PXN: variants seen among roughly 807,000 people sequenced by gnomAD.
The protein encoded by PXN is testicular tissue protein Li 134.
PXN carries 61 observed loss-of-function variants against 103.6 expected under a neutral mutation model. That is an observed-to-expected ratio of 0.59 (90% CI 0.48 to 0.73). The LOEUF (loss-of-function observed/expected upper bound fraction) is 0.73. Among genes scored for constraint, PXN ranks in the 30% least tolerant of loss-of-function variants. PXN has a pLI of 0.00. For missense variants in PXN, 1,274 were observed against 1,460.3 expected, an observed-to-expected ratio of 0.87 and a Z score of 2.08; for synonymous variants, 562 against 607.8, an observed-to-expected ratio of 0.92 and a Z score of 1.11.
chr12:120,222,622 G>C lies in PXN; in HGVS notation c.622C>G (p.Arg208Gly). ...CTGGGCCGCACGTCCTCCAGGCCCC[G>C]GCCCCCATTCCGCTTAGGCTTCTCT... ...TKEKPKRNGG[R>G]GLEDVRPSVE... Residue 208 changes from arginine to glycine, a missense_variant, in exon 5 of 15, where the codon CGG becomes GGG. Physicochemically the swap from Arg to Gly is moderately radical, Grantham distance 125. Around this residue, in one of 2 missense-constraint regions of PXN, gnomAD observed 1,178 missense variants for 1,309.0 expected, o/e 0.90. Transcript: ENST00000637617. This position sits in a 1 kb window ranked among gnomAD's most constrained non-coding sequence, Gnocchi z 4.7. The C allele has an allele frequency of 6.2e-7, 1 of 1,609,654 alleles. No homozygotes were observed.
intron 1 of PXN, among the ~76,000 whole-genome samples, chr12:120,239,040 C>T (rs911862229): frequency 2.6e-5 from 4 of 152,200 alleles, no homozygotes; most frequent in African/African-American, 9.7e-5. Flanking sequence ...TCCTTCTCCT[C>T]CTGCCCATCT....
chr12:120,250,177 G>A (rs1020129115), intron 1 of PXN: 206 of 985,500 alleles, frequency 2.1e-4, no homozygotes, highest in Non-Finnish European at 2.4e-4. Context: ...AAATCCAGAG[G>A]AAACCAAGTG....
At chr12:120,249,737 A>C (rs367661435) in intron 1 of PXN, 5 of 609,452 alleles carry the variant, frequency 8.2e-6, no homozygotes, top group East Asian at 1.4e-4. Flanking sequence ...TCCAAAGACC[A>C]GACAAAAAGA....
rs1881679617 is a variant in PXN, at chr12:120,214,266, C to T, written c.2749-49G>A. 1.3e-6 allele frequency: 2 copies of T among 1,487,572 alleles called. No homozygotes were observed. The highest frequency in any genetic ancestry group is 1.8e-6 in the Non-Finnish European group (2 of 1,089,772). The allele number at this position is 1,487,572 out of a possible 1,614,324, so 92.1% of individuals were successfully genotyped here. ...AAGGCTGAGCTCTGGGCAGATCTCA[C>T]AACTGAGACGCCCAGCAAGGCCGTC... On this transcript the variant is annotated intron_variant, in intron 12 of 14. Coordinates refer to ENST00000637617, the MANE Select transcript of PXN (RefSeq NM_001385981.1). The surrounding 1 kb of genome is among the most constrained non-coding windows in gnomAD (Gnocchi z 5.0).
At position 120,221,502 on chromosome 12, in the gene PXN, G is replaced by T; in HGVS notation, c.831+121C>A. ...AGGCCAGGGCATGACAGTGTCCCTG[G>T]CTCAGGGGCAAGGCACCCAAACACT... is the stretch of plus-strand genomic sequence containing the variant. On this transcript the variant is annotated intron_variant, in intron 6 of 14. Coordinates refer to ENST00000637617, the MANE Select transcript of PXN (RefSeq NM_001385981.1). The surrounding 1 kb of genome is among the most constrained non-coding windows in gnomAD (Gnocchi z 6.6). 1 of 1,175,436 alleles carries T rather than the reference G, an allele frequency of 8.5e-7. No homozygotes were observed. Among genetic ancestry groups the T allele is most frequent in the Non-Finnish European group, 1.2e-6 (1 of 842,346 alleles). The allele number at this position is 1,175,436 out of a possible 1,614,324, so 72.8% of individuals were successfully genotyped here.
At chr12:120,236,572 G>T (rs1021490271) in intron 1 of PXN, among the ~76,000 whole-genome samples, 1 of 151,532 alleles carries the variant, frequency 6.6e-6, no homozygotes, top group Non-Finnish European at 1.5e-5. Context: ...CTGCCTCCCG[G>T]GTTCAAGCAA....
chr12:120,214,235 G>A lies in PXN; in HGVS notation c.2749-18C>T. On this transcript the variant is annotated intron_variant, in intron 12 of 14. Coordinates refer to ENST00000637617, the MANE Select transcript of PXN (RefSeq NM_001385981.1). The surrounding 1 kb of genome is among the most constrained non-coding windows in gnomAD (Gnocchi z 5.0). The stretch of plus-strand genomic sequence containing the variant: ...ACCACTTTCTGTGAAAGCAAAATGT[G>A]GGATCAAGGCTGAGCTCTGGGCAGA... 6.5e-7 allele frequency: 1 copy of A among 1,548,820 alleles called. No homozygotes were observed.
At chr12:120,261,293 C>T (rs1260867450) in intron 1 of PXN, among the ~76,000 whole-genome samples, 1 of 152,148 alleles carries the variant, frequency 6.6e-6, no homozygotes, top group Admixed American at 6.5e-5. Context: ...CGGGTTCAAG[C>T]GATTCTCCTG....
At chr12:120,242,340 A>G (rs1441854034) in intron 1 of PXN, among the ~76,000 whole-genome samples, 1 of 152,158 alleles carries the variant, frequency 6.6e-6, no homozygotes, top group Non-Finnish European at 1.5e-5. Context: ...ACCCATCTGC[A>G]CGAGTCTGCC....
chr12:120,262,057 C>T (rs964574344), intron 1 of PXN, among the ~76,000 whole-genome samples: 1 of 152,186 alleles, frequency 6.6e-6, no homozygotes, highest in Non-Finnish European at 1.5e-5. Context: ...CCTGACTCTG[C>T]CCTAACACAC....
intron 1 of PXN, among the ~76,000 whole-genome samples, chr12:120,234,728 C>A (rs371116036): frequency 1.3e-5 from 2 of 152,190 alleles, no homozygotes. Context: ...TTTACTCAGG[C>A]ACCTCATAGC....
intron 1 of PXN, among the ~76,000 whole-genome samples, chr12:120,261,253 C>T (rs573510394): frequency 3.3e-5 from 5 of 152,288 alleles, no homozygotes; most frequent in African/African-American, 1.2e-4. Flanking sequence ...TGCAGTGATG[C>T]GATCTCGGCT....
chr12:120,227,873 C>T (rs1279842055), intron 1 of PXN, among the ~76,000 whole-genome samples: 1 of 152,152 alleles, frequency 6.6e-6, no homozygotes, highest in Non-Finnish European at 1.5e-5. Flanking sequence ...GGTCAGAGTC[C>T]CCTTGCAAGC....
chr12:120,257,495 G>A (rs569624920), intron 1 of PXN, among the ~76,000 whole-genome samples: 121 of 152,290 alleles, frequency 7.9e-4, no homozygotes, highest in East Asian at 1.5e-3. Context: ...GAAGACCTTG[G>A]CATGAAGCCC....
At position 120,215,848 on chromosome 12, in the gene PXN, G is replaced by A; in HGVS notation, c.2302-187C>T. On this transcript the variant is annotated intron_variant, in intron 9 of 14. Coordinates refer to ENST00000637617, the MANE Select transcript of PXN (RefSeq NM_001385981.1). This position sits in a 1 kb window ranked among gnomAD's most constrained non-coding sequence, Gnocchi z 4.9. Reference sequence around the variant, plus strand: ...CCTGAGAGAGAGGCCTAGGGAGAAAGGAAGAAGGACAGGGAGGGGAGTCGA... The same window carrying A: ...CCTGAGAGAGAGGCCTAGGGAGAAAAGAAGAAGGACAGGGAGGGGAGTCGA... 1 of 1,312,620 alleles carries A rather than the reference G, an allele frequency of 7.6e-7. No individual in the cohort carries two copies. Among genetic ancestry groups the A allele is most frequent in the Non-Finnish European group, 1.0e-6 (1 of 999,024 alleles). The allele number at this position is 1,312,620 out of a possible 1,614,324, so 81.3% of individuals were successfully genotyped here. A position where few individuals can be genotyped will look rare whatever the true frequency, so the allele number is the denominator to read the frequency against.
In PXN at chr12:120,216,202, GT is replaced by G; in HGVS notation, c.2301+70del. ...TGTGTATGTGTGTGTGCACGTGTGT[GT>G]GTGCAGAGTGGGGGATGGCTCAGGC... is the stretch of plus-strand genomic sequence containing the variant. On this transcript the variant is annotated intron_variant, in intron 9 of 14. Transcript: ENST00000637617. This position sits in a 1 kb window ranked among gnomAD's most constrained non-coding sequence, Gnocchi z 5.1. The G allele has an allele frequency of 7.9e-7, 1 of 1,268,568 alleles. No individual in the cohort carries two copies. The allele number at this position is 1,268,568 out of a possible 1,614,324, so 78.6% of individuals were successfully genotyped here. A position where few individuals can be genotyped will look rare whatever the true frequency, so the allele number is the denominator to read the frequency against.
In PXN at chr12:120,216,894, T is replaced by C. The variant is rs763075037; in HGVS notation, c.1939A>G (p.Ile647Val). The change falls in exon 8 of 15, where the codon ATC becomes GTC. Residue 647 changes from isoleucine to valine, a missense_variant. Ile to Val is a conservative substitution (Grantham distance 29, BLOSUM62 3). Transcript: ENST00000637617. This position sits in a 1 kb window ranked among gnomAD's most constrained non-coding sequence, Gnocchi z 5.1. Reference sequence around the variant, plus strand: ...TTCCCACGTGGCTGCACAGTGATGATGACGCCCTCGGTCAGCCAGTCCTGG... The same window carrying C: ...TTCCCACGTGGCTGCACAGTGATGACGACGCCCTCGGTCAGCCAGTCCTGG... ...SAQDWLTEGV[I>V]ITVQPRGKRA... 1.2e-5 allele frequency: 18 copies of C among 1,517,792 alleles called. No homozygotes were observed. The highest frequency in any genetic ancestry group is 1.1e-4 in the African/African-American group (8 of 72,098). 94.0% of individuals were successfully genotyped at this position (1,517,792 alleles called of 1,614,324 possible). A position where few individuals can be genotyped will look rare whatever the true frequency, so the allele number is the denominator to read the frequency against.
At position 120,219,630 on chromosome 12, in the gene PXN, C is replaced by T. The variant is rs1483459188; in HGVS notation, c.1293G>A (p.Leu431=). ...CCCATGGCTGCTCCCATGTGGCAGCCAAGGCCTCCTCTGGGCACGAAGGGC... is the reference window on the plus strand; with the variant it reads ...CCCATGGCTGCTCCCATGTGGCAGCTAAGGCCTCCTCTGGGCACGAAGGGC... ...PASPSCPEEA[L]AATWEQPWAS... The change falls in exon 7 of 15, where the codon TTG becomes TTA. Residue 431 remains leucine (L), a synonymous_variant. Transcript: ENST00000637617. The surrounding 1 kb of genome is among the most constrained non-coding windows in gnomAD (Gnocchi z 6.5). The T allele has an allele frequency of 1.3e-6, 2 of 1,571,444 alleles. No homozygotes were observed. Among genetic ancestry groups the T allele is most frequent in the Non-Finnish European group, 1.7e-6 (2 of 1,166,988 alleles).
chr12:120,263,985 G>A (rs1375280736), intron 1 of PXN, among the ~76,000 whole-genome samples: 1 of 151,544 alleles, frequency 6.6e-6, no homozygotes, highest in African/African-American at 2.4e-5. Flanking sequence ...CTGGTTCAAA[G>A]AACATCCCCC....
Sources: allele counts gnomAD v4.1 joint callset (sites outside exome capture counted in the v4.1 genomes callset), GRCh38; gene constraint gnomAD v4.1.1; regional missense constraint gnomAD v4.1.1; non-coding constraint Gnocchi (gnomAD v3.1); transcripts MANE v1.5; gene names NCBI Gene and HGNC (gene_info 2026-07-23, HGNC 2026-07-21).